The following EPHA3 variants were observed in gnomAD, a reference collection of about 807,000 sequenced individuals.
EPHA3 encodes EPH receptor A3, also known as ephrin type-A receptor 3.
A neutral mutation model predicts 107.1 loss-of-function variants in EPHA3; 42 were observed. The ratio of observed to expected loss-of-function variants is 0.39; its 90% CI spans 0.31 to 0.51. EPHA3 has a LOEUF of 0.51. Among genes scored for constraint, EPHA3 ranks in the 20% least tolerant of loss-of-function variants. The pLI, the probability that EPHA3 is intolerant of heterozygous loss-of-function variation, is 0.78. For missense variants in EPHA3, 1,183 were observed against 1,211.2 expected, an observed-to-expected ratio of 0.98 and a Z score of 0.35; for synonymous variants, 461 against 424.8, an observed-to-expected ratio of 1.09 and a Z score of -1.05.
At chr3:89,189,546 T>C (rs1576216313) in intron 2 of EPHA3, among the ~76,000 whole-genome samples, 2 of 152,276 alleles carry the variant, frequency 1.3e-5, no homozygotes, top group African/African-American at 4.8e-5. Flanking sequence ...TGAGCCCAGA[T>C]TGCGCCACTG....
At position 89,154,400 on chromosome 3, in the gene EPHA3, A is replaced by AT. The variant is rs141983131; in HGVS notation, c.153+27135dup. ...TGTAGGAAAGTGTCATTTCTCCATG[A>AT]TTTTTTTTCAGAAAAAGTTATGAGT... On this transcript the variant is annotated intron_variant, in intron 2 of 16. Coordinates refer to ENST00000336596, the MANE Select transcript of EPHA3 (RefSeq NM_005233.6). Among the ~76,000 whole-genome samples the AT allele has an allele frequency of 2.5e-4, 38 of 151,348 alleles. No homozygotes were observed. The East Asian group carries it at 3.1e-3, about 12-fold the overall frequency.
intron 1 of EPHA3, among the ~76,000 whole-genome samples, chr3:89,123,357 G>C (rs974406695): frequency 2.0e-5 from 3 of 152,116 alleles, no homozygotes; most frequent in African/African-American, 7.2e-5. Context: ...TGGCCAGGCT[G>C]GTCTTGAACT....
chr3:89,263,543 G>A (rs1430626844), intron 3 of EPHA3, among the ~76,000 whole-genome samples: 1 of 152,158 alleles, frequency 6.6e-6, no homozygotes, highest in African/African-American at 2.4e-5. Context: ...AGGAGATGGG[G>A]CAGGTAGGTA....
At chr3:89,166,150 G>C (rs932322205) in intron 2 of EPHA3, among the ~76,000 whole-genome samples, 19 of 152,024 alleles carry the variant, frequency 1.2e-4, no homozygotes, top group African/African-American at 4.1e-4. Flanking sequence ...CTAAACGTCC[G>C]GGTAGTTTTC....
intron 2 of EPHA3, among the ~76,000 whole-genome samples, chr3:89,130,562 C>G (rs556568512): frequency 6.6e-6 from 1 of 151,056 alleles, no homozygotes; most frequent in Non-Finnish European, 1.5e-5. Flanking sequence ...CCTCCAAAGA[C>G]GTATTCATAC....
chr3:89,290,612 G>A (rs1184056923), intron 3 of EPHA3, among the ~76,000 whole-genome samples: 1 of 152,110 alleles, frequency 6.6e-6, no homozygotes, highest in Non-Finnish European at 1.5e-5. Context: ...TTGGTTAACA[G>A]TAAAACTGTA....
chr3:89,337,489 C>T (rs1332188170), intron 3 of EPHA3, among the ~76,000 whole-genome samples: 1 of 152,060 alleles, frequency 6.6e-6, no homozygotes, highest in East Asian at 1.9e-4. Flanking sequence ...AAAGTCCTAC[C>T]AAAGAAGTAA....
chr3:89,230,838 A>T (rs1704615324), intron 3 of EPHA3, among the ~76,000 whole-genome samples: 1 of 151,296 alleles, frequency 6.6e-6, no homozygotes, highest in African/African-American at 2.4e-5. Flanking sequence ...ACACACACAC[A>T]CACACACACA....
rs1277320724 is a variant in EPHA3, at chr3:89,419,395, G to A, written c.2074+5G>A. On this transcript the variant is annotated splice_donor_5th_base_variant and intron_variant, in intron 11 of 16. Coordinates refer to ENST00000336596, the MANE Select transcript of EPHA3 (RefSeq NM_005233.6). ...TGGAAGGAGTTGTTACCAAAAGTAA[G>A]TAAAGTAGTCATAAGACCTGTGTTT... 6.3e-7 allele frequency: 1 copy of A among 1,582,298 alleles called. No individual in the cohort carries two copies. The highest frequency in any genetic ancestry group is 8.6e-7 in the Non-Finnish European group (1 of 1,165,284).
intron 3 of EPHA3, among the ~76,000 whole-genome samples, chr3:89,267,663 C>T (rs1705570439): frequency 6.6e-6 from 1 of 152,012 alleles, no homozygotes; most frequent in Non-Finnish European, 1.5e-5. Flanking sequence ...TTTAAATTAA[C>T]TTTATGAAGG....
intron 13 of EPHA3, among the ~76,000 whole-genome samples, chr3:89,438,484 A>G (rs1231596407): frequency 6.6e-6 from 1 of 152,122 alleles, no homozygotes; most frequent in Non-Finnish European, 1.5e-5. Context: ...TAAGAGGTTA[A>G]ATATTTCCTT....
At chr3:89,212,905 T>C (rs1704138754) in intron 3 of EPHA3, among the ~76,000 whole-genome samples, 1 of 152,032 alleles carries the variant, frequency 6.6e-6, no homozygotes, top group Admixed American at 6.6e-5. Flanking sequence ...GTGTGTTTGA[T>C]GTGATGTATG....
intron 3 of EPHA3, among the ~76,000 whole-genome samples, chr3:89,288,556 T>C (rs1172807707): frequency 6.6e-6 from 1 of 152,110 alleles, no homozygotes; most frequent in African/African-American, 2.4e-5. Flanking sequence ...CAGGAGCCAA[T>C]AGAGATACCG....
intron 3 of EPHA3, among the ~76,000 whole-genome samples, chr3:89,229,175 A>C (rs1704570178): frequency 6.6e-6 from 1 of 152,010 alleles, no homozygotes; most frequent in Non-Finnish European, 1.5e-5. Context: ...TGTGAATCAA[A>C]TTACATTTCA....
intron 3 of EPHA3, among the ~76,000 whole-genome samples, chr3:89,271,471 C>A (rs1268166875): frequency 2.6e-5 from 4 of 151,878 alleles, no homozygotes; most frequent in African/African-American, 9.7e-5. Context: ...AAGAAACCTG[C>A]AGCAACTTGG....
At chr3:89,180,726 C>T (rs1211141542) in intron 2 of EPHA3, among the ~76,000 whole-genome samples, 1 of 151,822 alleles carries the variant, frequency 6.6e-6, no homozygotes, top group Non-Finnish European at 1.5e-5. Context: ...TTTTCTCTGT[C>T]GTTATTTTTT....
chr3:89,209,031 T>C (rs2107178958), intron 2 of EPHA3, among the ~76,000 whole-genome samples: 1 of 152,280 alleles, frequency 6.6e-6, no homozygotes, highest in East Asian at 1.9e-4. Flanking sequence ...TTCTCAAAAT[T>C]TGTCCTAAGG....
chr3:89,196,020 C>A (rs781029811), intron 2 of EPHA3, among the ~76,000 whole-genome samples: 2 of 151,994 alleles, frequency 1.3e-5, no homozygotes, highest in Admixed American at 6.6e-5. Context: ...ACTCTTCAAC[C>A]CTTCCCCTTC....
intron 14 of EPHA3, 85 bp downstream of exon 14, chr3:89,449,459 C>T (rs1559700455): frequency 7.8e-7 from 1 of 1,275,390 alleles, no homozygotes. Context: ...AACTGGGTGG[C>T]TCCTGGTTTA....
Sources: allele counts gnomAD v4.1 joint callset (sites outside exome capture counted in the v4.1 genomes callset), GRCh38; gene constraint gnomAD v4.1.1; transcripts MANE v1.5; gene names NCBI Gene and HGNC (gene_info 2026-07-23, HGNC 2026-07-21).